The following ROBO2 variants were observed in gnomAD, a reference collection of about 807,000 sequenced individuals.
ROBO2 encodes roundabout homolog 2.
A neutral mutation model predicts 160.8 loss-of-function variants in ROBO2; 53 were observed. That is an observed-to-expected ratio of 0.33 (90% CI 0.26 to 0.41). ROBO2 has a LOEUF of 0.41. Among genes scored for constraint, ROBO2 ranks in the 10% least tolerant of loss-of-function variants. The pLI is 1.00. For missense variants in ROBO2, 1,577 were observed against 1,722.4 expected (o/e 0.92, Z 1.49); for synonymous variants, 664 against 611.7 (o/e 1.09, Z -1.26).
chr3:77,240,106 T>C (rs2088769427), intron 2 of ROBO2, among the ~76,000 whole-genome samples: 1 of 152,026 alleles, frequency 6.6e-6, no homozygotes, highest in Non-Finnish European at 1.5e-5. Flanking sequence ...CCTCAACCCT[T>C]GGGAGGTCGA....
At chr3:76,642,070 C>A (rs2090706112) in intron 2 of ROBO2, among the ~76,000 whole-genome samples, 1 of 152,082 alleles carries the variant, frequency 6.6e-6, no homozygotes, top group African/African-American at 2.4e-5. Context: ...ACTCCATGTA[C>A]TATTTTTGCA....
chr3:76,699,398 G>T (rs2092999944), intron 2 of ROBO2, among the ~76,000 whole-genome samples: 1 of 150,414 alleles, frequency 6.6e-6, no homozygotes, highest in Admixed American at 6.7e-5. Context: ...GACTTCTCCA[G>T]GCAGGCCTTC....
intron 2 of ROBO2, among the ~76,000 whole-genome samples, chr3:76,557,484 C>G (rs1439502852): frequency 6.6e-6 from 1 of 151,590 alleles, no homozygotes; most frequent in Non-Finnish European, 1.5e-5. Flanking sequence ...ACATAAAGAT[C>G]AAATGAATTA....
At chr3:77,442,037 G>T (rs2153554416) in intron 2 of ROBO2, among the ~76,000 whole-genome samples, 1 of 152,286 alleles carries the variant, frequency 6.6e-6, no homozygotes, top group African/African-American at 2.4e-5. Context: ...TTACGGCCGG[G>T]CGCGGTGGCT....
chr3:76,907,182 A>G (rs1315997971), intron 2 of ROBO2, among the ~76,000 whole-genome samples: 2 of 152,242 alleles, frequency 1.3e-5, no homozygotes, highest in East Asian at 1.9e-4. Flanking sequence ...AAAGATAAAA[A>G]GAACCTGAGT....
At chr3:76,633,006 G>A (rs756198479) in intron 2 of ROBO2, among the ~76,000 whole-genome samples, 10 of 152,134 alleles carry the variant, frequency 6.6e-5, no homozygotes, top group Admixed American at 1.3e-4. Context: ...TTTCAGATGA[G>A]TATTACTTGA....
chr3:76,912,482 A>C (rs2076051726), intron 2 of ROBO2, among the ~76,000 whole-genome samples: 1 of 152,176 alleles, frequency 6.6e-6, no homozygotes, highest in Non-Finnish European at 1.5e-5. Context: ...AAAGGCTAAA[A>C]TGTCATTTGG....
At chr3:76,068,705 A>C (rs556133170) in intron 2 of ROBO2, among the ~76,000 whole-genome samples, 12 of 152,308 alleles carry the variant, frequency 7.9e-5, no homozygotes, top group African/African-American at 2.6e-4. Context: ...GCAAAACTCC[A>C]TGCATCCATT....
Position 76,706,845 on chromosome 3 carries a change from C to A in ROBO2, c.110-391169C>A, listed in dbSNP as rs139977403. 4.5e-3 allele frequency among the ~76,000 whole-genome samples: 681 copies of A among 152,104 alleles called. 2 individuals are homozygous for A. Among genetic ancestry groups the A allele is most frequent in the Non-Finnish European group, 7.7e-3 (524 of 67,988 alleles). ...ATAAATAGATGACAGCTTCTATTATCTTTTAACACACATTTAGAGGGTGAC... is the reference window on the plus strand; with the variant it reads ...ATAAATAGATGACAGCTTCTATTATATTTTAACACACATTTAGAGGGTGAC... On this transcript the variant is annotated intron_variant, in intron 2 of 26. Transcript: ENST00000487694.
chr3:75,986,758 A>G (rs1018080640), intron 2 of ROBO2, among the ~76,000 whole-genome samples: 3 of 151,356 alleles, frequency 2.0e-5, no homozygotes, highest in Non-Finnish European at 3.0e-5. Flanking sequence ...TCATTATTTT[A>G]TATGTGATTC....
At chr3:76,855,337 C>T (rs1343172333) in intron 2 of ROBO2, among the ~76,000 whole-genome samples, 1 of 152,158 alleles carries the variant, frequency 6.6e-6, no homozygotes, top group African/African-American at 2.4e-5. Flanking sequence ...ATCACCTAGA[C>T]TGTTAATGAA....
chr3:76,880,709 G>A (rs923504314), intron 2 of ROBO2, among the ~76,000 whole-genome samples: 2 of 152,032 alleles, frequency 1.3e-5, no homozygotes, highest in Admixed American at 6.6e-5. Flanking sequence ...GCCCCAAATT[G>A]TTTGATACTC....
intron 2 of ROBO2, among the ~76,000 whole-genome samples, chr3:76,939,979 A>T (rs1374359175): frequency 2.8e-4 from 34 of 120,524 alleles, no homozygotes; most frequent in East Asian, 9.9e-4. Flanking sequence ...AAGCAACAGG[A>T]TTTTTTTTTT....
At chr3:76,699,549 T>C (rs1316092992) in intron 2 of ROBO2, among the ~76,000 whole-genome samples, 1 of 152,192 alleles carries the variant, frequency 6.6e-6, no homozygotes, top group Non-Finnish European at 1.5e-5. Flanking sequence ...CGTGCCTTTG[T>C]TTTAAATTGC....
chr3:75,984,213 G>A (rs1029110425), intron 2 of ROBO2, among the ~76,000 whole-genome samples: 9 of 151,516 alleles, frequency 5.9e-5, no homozygotes, highest in Non-Finnish European at 1.3e-4. Flanking sequence ...AGCCACATAT[G>A]TACTAATTAA....
At chr3:77,545,254 T>C (rs1273233860) in intron 6 of ROBO2, among the ~76,000 whole-genome samples, 3 of 152,224 alleles carry the variant, frequency 2.0e-5, no homozygotes, top group East Asian at 1.9e-4. Context: ...TAGCCAAAAG[T>C]GTTTACATAA....
chr3:77,391,092 G>A (rs944761517), intron 2 of ROBO2, among the ~76,000 whole-genome samples: 3 of 151,880 alleles, frequency 2.0e-5, no homozygotes, highest in African/African-American at 7.3e-5. Flanking sequence ...CTTTCTCTCT[G>A]TTGGACACCA....
intron 2 of ROBO2, among the ~76,000 whole-genome samples, chr3:76,798,472 T>A (rs2108820729): frequency 6.6e-6 from 1 of 152,272 alleles, no homozygotes; most frequent in Admixed American, 6.5e-5. Context: ...GTTCAACATA[T>A]GCAAGTCAGT....
intron 2 of ROBO2, among the ~76,000 whole-genome samples, chr3:77,149,688 T>C (rs1364350868): frequency 1.3e-5 from 2 of 152,296 alleles, no homozygotes; most frequent in Admixed American, 6.5e-5. Context: ...AAAAGCAAAC[T>C]GTTGAGCAAC....
Sources: allele counts gnomAD v4.1 joint callset (sites outside exome capture counted in the v4.1 genomes callset), GRCh38; gene constraint gnomAD v4.1.1; transcripts MANE v1.5; gene names NCBI Gene and HGNC (gene_info 2026-07-23, HGNC 2026-07-21).